The following KATNA1 variants were observed in gnomAD, a reference collection of about 807,000 sequenced individuals.
KATNA1 encodes the protein katanin catalytic subunit A1.
A neutral mutation model predicts 62.6 loss-of-function variants in KATNA1; 42 were observed. The ratio of observed to expected loss-of-function variants is 0.67; its 90% CI spans 0.52 to 0.87. The LOEUF (loss-of-function observed/expected upper bound fraction) is 0.87. Among genes scored for constraint, KATNA1 ranks in the 40% least tolerant of loss-of-function variants. The pLI, the probability that KATNA1 is intolerant of heterozygous loss-of-function variation, is 0.00. For missense variants in KATNA1, 498 were observed against 612.5 expected (o/e 0.81, Z 1.97); for synonymous variants, 186 against 201.9 (o/e 0.92, Z 0.67).
chr6:149,602,064 G>A (rs868523298), intron 6 of KATNA1, among the ~76,000 whole-genome samples: 3 of 152,250 alleles, frequency 2.0e-5, no homozygotes, highest in Middle Eastern at 3.4e-3. Flanking sequence ...AAATTAGGTT[G>A]TTTAAAAATA....
chr6:149,598,388 T>C, intron 7 of KATNA1, 38 bp from the exon 8 acceptor site: 1 of 1,598,308 alleles, frequency 6.3e-7, no homozygotes, highest in Non-Finnish European at 8.5e-7. Flanking sequence ...GCTATTAAGC[T>C]ATTATTTCAT....
intron 2 of KATNA1, 61 bp from the exon 3 acceptor site, chr6:149,632,977 A>G (rs1271430002): frequency 7.5e-7 from 1 of 1,331,510 alleles, no homozygotes; most frequent in African/African-American, 1.5e-5. Flanking sequence ...TCAAAATTAA[A>G]TGAGGGCCAT....
chr6:149,613,040 T>C (rs12530220), intron 4 of KATNA1, among the ~76,000 whole-genome samples: 68,182 of 149,642 alleles, frequency 0.46, 16,723 homozygotes, highest in East Asian at 0.81. Context: ...ATTAGCTGGG[T>C]GTGGTGGCGG....
chr6:149,602,762 C>T (rs1364328556), intron 6 of KATNA1, among the ~76,000 whole-genome samples: 1 of 149,482 alleles, frequency 6.7e-6, no homozygotes, highest in African/African-American at 2.5e-5. Context: ...GCTCTTGTTG[C>T]CCAGGCTGGA....
At chr6:149,643,395 G>A (rs1025028836) in intron 1 of KATNA1, among the ~76,000 whole-genome samples, 4 of 152,204 alleles carry the variant, frequency 2.6e-5, no homozygotes, top group African/African-American at 9.6e-5. Context: ...GTTGTTTTAA[G>A]TCACCAAGTT....
At chr6:149,613,226 A>C in intron 4 of KATNA1, among the ~76,000 whole-genome samples, 1 of 134,924 alleles carries the variant, frequency 7.4e-6, no homozygotes, top group African/African-American at 2.6e-5. Context: ...AAGAACATCT[A>C]CAAAAACACC....
Position 149,603,155 on chromosome 6 carries a change from C to T in KATNA1, c.729+113G>A, listed in dbSNP as rs910997945. ...CACAACATATACCTTTTAATTTAAA[C>T]ATTTCCTGACTCCACTTTCTCCCTC... On this transcript the variant is annotated intron_variant, in intron 6 of 10. Coordinates refer to ENST00000367411, the MANE Select transcript of KATNA1 (RefSeq NM_007044.4). 3.6e-5 allele frequency: 20 copies of T among 550,082 alleles called. No individual in the cohort carries two copies. In the Admixed American group the frequency reaches 5.5e-4, roughly 15 times the overall value. The allele number at this position is 550,082 out of a possible 1,614,324, so 34.1% of individuals were successfully genotyped here. A position where few individuals can be genotyped will look rare whatever the true frequency, so the allele number is the denominator to read the frequency against.
chr6:149,601,838 G>A (rs552770372), intron 6 of KATNA1, 86 bp from the exon 7 acceptor site: 16 of 1,018,856 alleles, frequency 1.6e-5, no homozygotes, highest in Non-Finnish European at 2.0e-5. Flanking sequence ...AGCAAATTTC[G>A]ACCAACTTAT....
At chr6:149,608,528 G>A (rs1012409514) in intron 4 of KATNA1, among the ~76,000 whole-genome samples, 15 of 152,094 alleles carry the variant, frequency 9.9e-5, no homozygotes, top group African/African-American at 2.2e-4. Context: ...TTGTGGCCCC[G>A]GCCCCACCCA....
intron 3 of KATNA1, among the ~76,000 whole-genome samples, chr6:149,623,866 A>G (rs1779504801): frequency 6.6e-6 from 1 of 152,228 alleles, no homozygotes; most frequent in South Asian, 2.1e-4. Context: ...TAGAAAGGAA[A>G]TTGTTGTATA....
intron 2 of KATNA1, among the ~76,000 whole-genome samples, chr6:149,633,353 C>T (rs375064003): frequency 2.0e-5 from 3 of 152,148 alleles, no homozygotes; most frequent in Non-Finnish European, 4.4e-5. Context: ...GTGATCCACC[C>T]GCCTAGGCCT....
chr6:149,622,433 A>G (rs1779435919), intron 4 of KATNA1, among the ~76,000 whole-genome samples: 1 of 152,146 alleles, frequency 6.6e-6, no homozygotes, highest in Admixed American at 6.6e-5. Context: ...TTAGTCTCAA[A>G]TGGTTCAGGA....
intron 4 of KATNA1, among the ~76,000 whole-genome samples, chr6:149,609,123 C>T (rs189600542): frequency 1.3e-5 from 2 of 152,290 alleles, no homozygotes; most frequent in East Asian, 3.9e-4. Context: ...AAGCCTTTTA[C>T]ATGCTTCAAT....
chr6:149,596,725 C>CT (rs1321303788), intron 10 of KATNA1, among the ~76,000 whole-genome samples: 1 of 152,068 alleles, frequency 6.6e-6, no homozygotes, highest in African/African-American at 2.4e-5. Context: ...CCATGCCCGG[C>CT]TAATTTTTAA....
intron 10 of KATNA1, among the ~76,000 whole-genome samples, chr6:149,595,875 A>G (rs1163734445): frequency 7.2e-5 from 11 of 152,212 alleles, no homozygotes; most frequent in Admixed American, 7.2e-4. Context: ...GTCTCTACTA[A>G]TACTTAGATT....
intron 1 of KATNA1, among the ~76,000 whole-genome samples, chr6:149,647,159 T>A (rs796348255): frequency 2.0e-5 from 3 of 151,902 alleles, no homozygotes; most frequent in Non-Finnish European, 4.4e-5. Context: ...TTTTTTTTTT[T>A]AAAGGTATTT....
In KATNA1 at chr6:149,594,972, A is replaced by G; in HGVS notation, c.*64T>C. On this transcript the variant is annotated 3_prime_UTR_variant, in exon 11 of 11. Transcript: ENST00000367411. Reference sequence around the variant, plus strand: ...TAAAAAAAATATAGCACTCAGTACAATGAATTACTGCATTTAATATTCAAA... The same window carrying G: ...TAAAAAAAATATAGCACTCAGTACAGTGAATTACTGCATTTAATATTCAAA... The G allele has an allele frequency of 7.7e-7, 1 of 1,301,702 alleles. No individual in the cohort carries two copies. The highest frequency in any genetic ancestry group is 1.1e-6 in the Non-Finnish European group (1 of 908,678). The allele number at this position is 1,301,702 out of a possible 1,614,324, so 80.6% of individuals were successfully genotyped here.
intron 3 of KATNA1, chr6:149,631,416 A>G (rs867360435): frequency 6.6e-6 from 1 of 152,132 alleles, no homozygotes; most frequent in South Asian, 2.1e-4. Context: ...AAATAAATAA[A>G]ATAAAATAAA....
chr6:149,603,215 G>C, intron 6 of KATNA1, 53 bp downstream of exon 6: 1 of 739,794 alleles, frequency 1.4e-6, no homozygotes, highest in South Asian at 1.8e-5. Flanking sequence ...TTGGCTCTCT[G>C]TATCAACATG....
Sources: gnomAD v4.1 joint callset for allele counts (sites outside exome capture counted in the v4.1 genomes callset) on GRCh38, gnomAD v4.1.1 for gene constraint, MANE v1.5 for transcripts, NCBI Gene and HGNC (gene_info 2026-07-23, HGNC 2026-07-21) for gene names.